EIF4G3: variants seen among roughly 807,000 people sequenced by gnomAD.
The protein encoded by EIF4G3 is eukaryotic translation initiation factor 4 gamma 3, also known as eIF-4-gamma 3.
Under a neutral mutation model 186.4 loss-of-function variants are expected in EIF4G3, and 34 were observed. The ratio of observed to expected loss-of-function variants is 0.18; its 90% CI spans 0.14 to 0.24. The LOEUF (loss-of-function observed/expected upper bound fraction) is 0.24, where lower values mean the gene tolerates loss of function less well. EIF4G3 is among the 10% of genes least tolerant of loss of function. The pLI is 1.00. For missense variants in EIF4G3, 1,536 were observed against 1,948.5 expected, an observed-to-expected ratio of 0.79 and a Z score of 3.99; for synonymous variants, 673 against 679.5, an observed-to-expected ratio of 0.99 and a Z score of 0.15.
intron 4 of EIF4G3, among the ~76,000 whole-genome samples, chr1:21,047,424 C>G (rs574529636): frequency 3.3e-5 from 5 of 152,288 alleles, no homozygotes; most frequent in African/African-American, 1.2e-4. Flanking sequence ...AATAAGACAA[C>G]CTTTGTTCAC....
At chr1:21,112,099 A>G (rs150972390) in intron 2 of EIF4G3, among the ~76,000 whole-genome samples, 132 of 152,270 alleles carry the variant, frequency 8.7e-4, no homozygotes, top group Middle Eastern at 6.8e-3. Context: ...CTCCACTTAC[A>G]CTTTTTAATT....
intron 19 of EIF4G3, 41 bp downstream of exon 19, chr1:20,886,160 T>C: frequency 6.4e-7 from 1 of 1,566,396 alleles, no homozygotes; most frequent in Non-Finnish European, 8.6e-7. Flanking sequence ...ACAAAATCAA[T>C]ATAATTTCAA....
chr1:20,899,956 T>C lies in EIF4G3; in HGVS notation c.1753-13A>G. 1 of 1,599,720 alleles carries C rather than the reference T, an allele frequency of 6.3e-7. No individual in the cohort carries two copies. ...CTTCAGCTTTAAGCTAAATAATAAA[T>C]GAACAAAGAGGTTACATTTTTTTCC... On this transcript the variant is annotated splice_polypyrimidine_tract_variant and intron_variant, in intron 15 of 36. Transcript: ENST00000602326.
intron 3 of EIF4G3, among the ~76,000 whole-genome samples, chr1:21,074,229 C>G (rs1255543405): frequency 2.6e-5 from 4 of 152,126 alleles, no homozygotes; most frequent in Non-Finnish European, 5.9e-5. Context: ...AGATACTTAC[C>G]TGGCCTCTAC....
At chr1:21,036,506 A>C (rs757744858) in intron 4 of EIF4G3, among the ~76,000 whole-genome samples, 6 of 152,226 alleles carry the variant, frequency 3.9e-5, no homozygotes, top group Non-Finnish European at 8.8e-5. Context: ...ACCTTTCTTT[A>C]AACACCTTAA....
chr1:20,963,573 C>G (rs1471874310), intron 12 of EIF4G3, among the ~76,000 whole-genome samples: 1 of 152,072 alleles, frequency 6.6e-6, no homozygotes, highest in Non-Finnish European at 1.5e-5. Context: ...CATGTCATAA[C>G]TGTGTTTCAT....
intron 2 of EIF4G3, among the ~76,000 whole-genome samples, chr1:21,155,474 C>G (rs189669519): frequency 1.3e-5 from 2 of 152,136 alleles, no homozygotes; most frequent in East Asian, 1.9e-4. Context: ...AATGATTTCA[C>G]AGTAACTACT....
At chr1:21,071,768 T>C (rs1459300067) in intron 3 of EIF4G3, among the ~76,000 whole-genome samples, 2 of 146,114 alleles carry the variant, frequency 1.4e-5, no homozygotes, top group Non-Finnish European at 3.0e-5. Context: ...ATTGCGCCAC[T>C]GCACTCCAGC....
rs1390262935 is a variant in EIF4G3, at chr1:20,867,149, T to C, written c.2623-1887A>G. Among the ~76,000 whole-genome samples, 4 of 152,206 alleles carry C rather than the reference T, an allele frequency of 2.6e-5. No individual in the cohort carries two copies. The East Asian group carries it at 5.8e-4, about 22-fold the overall frequency. On this transcript the variant is annotated intron_variant, in intron 20 of 36. Transcript: ENST00000602326. ...AATTCTTTTAATCCAAGTTTCAGTTTTGTCATCTAAAACAAGGGAGGTACA... is the reference window on the plus strand; with the variant it reads ...AATTCTTTTAATCCAAGTTTCAGTTCTGTCATCTAAAACAAGGGAGGTACA...
chr1:21,018,635 C>A (rs1280125266), intron 4 of EIF4G3, among the ~76,000 whole-genome samples: 1 of 152,038 alleles, frequency 6.6e-6, no homozygotes, highest in African/African-American at 2.4e-5. Context: ...AAATGTGACC[C>A]CCAATGTTGG....
At chr1:21,062,884 C>T (rs2095000217) in intron 3 of EIF4G3, among the ~76,000 whole-genome samples, 1 of 152,064 alleles carries the variant, frequency 6.6e-6, no homozygotes, top group Non-Finnish European at 1.5e-5. Flanking sequence ...AGCCACGGTG[C>T]CCAGCCAATA....
chr1:20,898,914 G>A (rs975716465), intron 16 of EIF4G3, among the ~76,000 whole-genome samples: 3 of 152,048 alleles, frequency 2.0e-5, no homozygotes, highest in Admixed American at 6.5e-5. Context: ...ATTTTTAGTC[G>A]AGACGGGGTT....
intron 4 of EIF4G3, among the ~76,000 whole-genome samples, chr1:21,027,573 T>G (rs1571285683): frequency 6.6e-6 from 1 of 151,676 alleles, no homozygotes; most frequent in Non-Finnish European, 1.5e-5. Flanking sequence ...GAGGTTGCAG[T>G]GAGCCGAGAT....
chr1:21,019,907 T>C (rs2090263308), intron 4 of EIF4G3, among the ~76,000 whole-genome samples: 1 of 151,640 alleles, frequency 6.6e-6, no homozygotes, highest in South Asian at 2.1e-4. Context: ...CAAAACAAAA[T>C]GCCCCCATGA....
In EIF4G3 at chr1:20,953,859, T is replaced by A. The variant is rs187274138; in HGVS notation, c.715-3748A>T. On this transcript the variant is annotated intron_variant, in intron 12 of 36. Transcript: ENST00000602326. ...TATTTCTTGACACATGAAAATTATA[T>A]AAAATTCAAATTTTGGTGCCCATAA... Among the ~76,000 whole-genome samples the A allele has an allele frequency of 8.3e-3, 1,264 of 152,298 alleles. 12 individuals are homozygous for A. Among genetic ancestry groups the A allele is most frequent in the Non-Finnish European group, 0.013 (874 of 68,012 alleles).
intron 4 of EIF4G3, among the ~76,000 whole-genome samples, chr1:21,013,516 G>C (rs1052861422): frequency 6.6e-6 from 1 of 152,142 alleles, no homozygotes; most frequent in Non-Finnish European, 1.5e-5. Flanking sequence ...TGCTGCTCAT[G>C]GGACTGATTA....
At position 20,849,433 on chromosome 1, in the gene EIF4G3, T is replaced by A; in HGVS notation, c.3870A>T (p.Leu1290=). Residue 1290 remains leucine (L), a synonymous_variant, in exon 29 of 37, where the codon CTA becomes CTT. Coordinates refer to ENST00000602326, the MANE Select transcript of EIF4G3 (RefSeq NM_001391906.1). The part of the protein sequence containing the change: ...RKSKSIIDEF[L]HINDFKEAMQ... ...CATTTACCTTAAAATCATTAATGTGTAGAAATTCATCAATGATAGATTTCG... is the reference window on the plus strand; with the variant it reads ...CATTTACCTTAAAATCATTAATGTGAAGAAATTCATCAATGATAGATTTCG... 6.5e-7 allele frequency: 1 copy of A among 1,546,790 alleles called. No homozygotes were observed. Among genetic ancestry groups the A allele is most frequent in the South Asian group, 1.2e-5 (1 of 80,070 alleles).
intron 29 of EIF4G3, chr1:20,847,838 T>A: frequency 2.1e-6 from 1 of 471,768 alleles, no homozygotes; most frequent in Non-Finnish European, 4.4e-6. Flanking sequence ...AACTTCCTTC[T>A]ACTTCTTCTG....
chr1:20,900,004 A>G, intron 15 of EIF4G3, 61 bp from the exon 16 acceptor site: 1 of 1,487,918 alleles, frequency 6.7e-7, no homozygotes, highest in South Asian at 1.3e-5. Context: ...ATACATAAAA[A>G]CCTACATCTA....
Sources: allele counts gnomAD v4.1 joint callset (sites outside exome capture counted in the v4.1 genomes callset), GRCh38; gene constraint gnomAD v4.1.1; transcripts MANE v1.5; gene names NCBI Gene and HGNC (gene_info 2026-07-23, HGNC 2026-07-21).